The following PARD3B variants were observed in gnomAD, a reference collection of about 807,000 sequenced individuals.
PARD3B encodes the protein partitioning defective 3 homolog B.
Under a neutral mutation model 130.2 loss-of-function variants are expected in PARD3B, and 103 were observed. The ratio of observed to expected loss-of-function variants is 0.79; its 90% CI spans 0.67 to 0.93. The LOEUF (loss-of-function observed/expected upper bound fraction) is 0.93, where lower values mean the gene tolerates loss of function less well. PARD3B is among the 40% of genes least tolerant of loss of function. The probability of loss-of-function intolerance (pLI) is 0.00; values close to 1 mark genes in which losing one functional copy is unlikely to be tolerated. For synonymous variants in PARD3B, 583 were observed against 553.2 expected, an observed-to-expected ratio of 1.05 and a Z score of -0.76; for missense variants, 1,609 against 1,499.2, an observed-to-expected ratio of 1.07 and a Z score of -1.21.
intron 22 of PARD3B, among the ~76,000 whole-genome samples, chr2:205,579,899 C>A (rs1432981382): frequency 6.6e-6 from 1 of 152,188 alleles, no homozygotes; most frequent in African/African-American, 2.4e-5. Context: ...TTATTCCAAG[C>A]ACCCTACCTT....
At chr2:204,546,851 AT>A (rs550229389) in intron 1 of PARD3B, among the ~76,000 whole-genome samples, 2 of 152,194 alleles carry the variant, frequency 1.3e-5, no homozygotes, top group African/African-American at 2.4e-5. Flanking sequence ...TTAAGTGACA[AT>A]TTTTTTTAAG....
At chr2:204,808,972 T>G (rs2042868908) in intron 2 of PARD3B, among the ~76,000 whole-genome samples, 1 of 152,192 alleles carries the variant, frequency 6.6e-6, no homozygotes, top group Non-Finnish European at 1.5e-5. Context: ...ATTGCCATTC[T>G]GACTGGTGTG....
At chr2:204,893,445 A>G (rs1050271201) in intron 2 of PARD3B, among the ~76,000 whole-genome samples, 1 of 152,152 alleles carries the variant, frequency 6.6e-6, no homozygotes. Flanking sequence ...AACTAAATAA[A>G]TGGTTTTTTT....
intron 20 of PARD3B, among the ~76,000 whole-genome samples, chr2:205,497,787 A>G (rs529453767): frequency 8.5e-5 from 13 of 152,224 alleles, no homozygotes; most frequent in Admixed American, 2.0e-4. Flanking sequence ...CCCGTGAAAC[A>G]TAAGTGTCAT....
intron 2 of PARD3B, among the ~76,000 whole-genome samples, chr2:204,927,878 A>T (rs550535035): frequency 3.3e-5 from 5 of 152,282 alleles, no homozygotes; most frequent in Non-Finnish European, 7.4e-5. Context: ...ATAGATAGAG[A>T]TTGATAGATA....
At chr2:205,115,395 G>A (rs1263646649) in intron 6 of PARD3B, among the ~76,000 whole-genome samples, 3 of 151,928 alleles carry the variant, frequency 2.0e-5, no homozygotes, top group South Asian at 2.1e-4. Context: ...AAGGTTATGG[G>A]GATTAAATAA....
intron 2 of PARD3B, among the ~76,000 whole-genome samples, chr2:204,939,457 A>G (rs1012321206): frequency 2.4e-4 from 37 of 152,236 alleles, no homozygotes; most frequent in Admixed American, 2.6e-4. Context: ...ATTTAGGACA[A>G]TGTGTTACAG....
At chr2:205,088,448 C>T (rs1456254374) in intron 4 of PARD3B, among the ~76,000 whole-genome samples, 1 of 151,966 alleles carries the variant, frequency 6.6e-6, no homozygotes, top group Non-Finnish European at 1.5e-5. Flanking sequence ...ATAAGCTGGG[C>T]TTGGGGGGAT....
At chr2:204,645,685 AATG>A (rs1176131988) in intron 1 of PARD3B, among the ~76,000 whole-genome samples, 1 of 152,122 alleles carries the variant, frequency 6.6e-6, no homozygotes, top group Non-Finnish European at 1.5e-5. Context: ...GTATTTCTTA[AATG>A]ATGACTGAAT....
intron 3 of PARD3B, among the ~76,000 whole-genome samples, chr2:204,993,960 T>A (rs1168221435): frequency 5.9e-5 from 9 of 151,988 alleles, no homozygotes; most frequent in Non-Finnish European, 7.4e-5. Context: ...TCTATTTGAT[T>A]CATCTCTCTT....
chr2:205,605,438 T>C (rs2054953003), intron 22 of PARD3B, among the ~76,000 whole-genome samples: 1 of 152,190 alleles, frequency 6.6e-6, no homozygotes, highest in Admixed American at 6.5e-5. Context: ...GCTATTGTTG[T>C]TGCTTCCTTT....
In PARD3B at chr2:204,961,644, C is replaced by T. The variant is rs1010778162; in HGVS notation, c.223-3508C>T. Among the ~76,000 whole-genome samples the T allele has an allele frequency of 4.6e-5, 7 of 152,148 alleles. No homozygotes were observed. The South Asian group carries it at 1.5e-3, about 32-fold the overall frequency. ...TAAACAAATTTAGACATATGCTCTT[C>T]AACATTTTTAGAGACTAAATGTGGA... On this transcript the variant is annotated intron_variant, in intron 2 of 22. Transcript: ENST00000406610.
chr2:205,271,596 G>A (rs931501896), intron 16 of PARD3B, among the ~76,000 whole-genome samples: 2 of 152,092 alleles, frequency 1.3e-5, no homozygotes, highest in African/African-American at 4.8e-5. Flanking sequence ...TGCTCTTTTG[G>A]AAAGTATGTG....
Position 204,788,134 on chromosome 2 carries a change from T to A in PARD3B, c.222+101852T>A, listed in dbSNP as rs1210912079. Among the ~76,000 whole-genome samples, 4 of 152,388 alleles carry A rather than the reference T, an allele frequency of 2.6e-5. No individual in the cohort carries two copies. In the South Asian group the frequency reaches 6.2e-4, roughly 24 times the overall value. ...ATGTGTCTAGCTGAATATCCACTTG[T>A]ATTTTACTGGATGTACTGGGACAGT... On this transcript the variant is annotated intron_variant, in intron 2 of 22. Transcript: ENST00000406610.
chr2:204,849,514 G>A (rs919288801), intron 2 of PARD3B, among the ~76,000 whole-genome samples: 3 of 152,132 alleles, frequency 2.0e-5, no homozygotes, highest in African/African-American at 7.2e-5. Flanking sequence ...GTGAAGTGCT[G>A]ACATCTTTGT....
chr2:204,997,145 C>A (rs922970083), intron 3 of PARD3B, among the ~76,000 whole-genome samples: 1 of 152,222 alleles, frequency 6.6e-6, no homozygotes, highest in African/African-American at 2.4e-5. Context: ...TAATTCCATA[C>A]CCTAACTTTA....
intron 2 of PARD3B, among the ~76,000 whole-genome samples, chr2:204,935,295 C>G (rs1323425303): frequency 6.7e-6 from 1 of 149,950 alleles, no homozygotes; most frequent in Admixed American, 6.7e-5. Context: ...TTTGGGAGGC[C>G]AAGGCGGGCG....
At chr2:205,479,489 T>C (rs7419975) in intron 20 of PARD3B, among the ~76,000 whole-genome samples, 124,043 of 152,028 alleles carry the variant, frequency 0.82, 51,533 homozygotes, top group East Asian at 0.95. Context: ...AGGGCCATAA[T>C]GTAAGTACAA....
chr2:204,718,355 A>G (rs920498651), intron 2 of PARD3B, among the ~76,000 whole-genome samples: 12 of 152,146 alleles, frequency 7.9e-5, no homozygotes, highest in African/African-American at 2.7e-4. Context: ...ACAGTTCTGC[A>G]TGGCTGGGGA....
Sources: gnomAD v4.1 joint callset for allele counts (sites outside exome capture counted in the v4.1 genomes callset) on GRCh38, gnomAD v4.1.1 for gene constraint, MANE v1.5 for transcripts, NCBI Gene and HGNC (gene_info 2026-07-23, HGNC 2026-07-21) for gene names.